The following SWT1 variants were observed in gnomAD, a reference collection of about 807,000 sequenced individuals.
SWT1 encodes SWT1 RNA endoribonuclease homolog.
In SWT1, 33 loss-of-function variants were observed where a neutral mutation model predicts 107.3. That is an observed-to-expected ratio of 0.31 (90% confidence interval 0.23 to 0.41). The LOEUF (loss-of-function observed/expected upper bound fraction) is 0.41. Among genes scored for constraint, SWT1 ranks in the 10% least tolerant of loss-of-function variants. The pLI, the probability that SWT1 is intolerant of heterozygous loss-of-function variation, is 1.00. For missense variants in SWT1, 898 were observed against 1,028.9 expected, an observed-to-expected ratio of 0.87 and a Z score of 1.74; for synonymous variants, 345 against 348.3, an observed-to-expected ratio of 0.99 and a Z score of 0.11.
chr1:185,266,266 G>A (rs751500329), intron 16 of SWT1, among the ~76,000 whole-genome samples: 101 of 152,150 alleles, frequency 6.6e-4, no homozygotes, highest in Non-Finnish European at 4.1e-4. Context: ...GGGTTTCACC[G>A]TGTTAGCCAG....
chr1:185,211,058 G>C (rs1658759552), intron 13 of SWT1, among the ~76,000 whole-genome samples: 1 of 152,132 alleles, frequency 6.6e-6, no homozygotes, highest in South Asian at 2.1e-4. Context: ...CAAACAAATG[G>C]AAAAACATTC....
chr1:185,228,554 T>C (rs914656295), intron 15 of SWT1, among the ~76,000 whole-genome samples: 2 of 152,154 alleles, frequency 1.3e-5, no homozygotes, highest in Non-Finnish European at 2.9e-5. Flanking sequence ...GAAGGACCTC[T>C]AAATTTTAGC....
At chr1:185,166,826 G>A (rs1391051948) in intron 3 of SWT1, among the ~76,000 whole-genome samples, 174 bp downstream of exon 3, 1 of 152,072 alleles carries the variant, frequency 6.6e-6, no homozygotes, top group East Asian at 1.9e-4. Context: ...GTACTGTTAG[G>A]CCCTACCATG....
At chr1:185,255,030 G>C (rs1020103687) in intron 16 of SWT1, among the ~76,000 whole-genome samples, 2 of 151,676 alleles carry the variant, frequency 1.3e-5, no homozygotes, top group African/African-American at 4.9e-5. Context: ...CCTTCATTTC[G>C]TTATGTACCC....
intron 5 of SWT1, among the ~76,000 whole-genome samples, chr1:185,179,615 C>A (rs1231265240): frequency 6.6e-6 from 1 of 152,164 alleles, no homozygotes; most frequent in African/African-American, 2.4e-5. Flanking sequence ...TTTATCATGT[C>A]ACTTGTAGAA....
intron 10 of SWT1, among the ~76,000 whole-genome samples, chr1:185,197,377 G>A (rs1657485476): frequency 6.6e-6 from 1 of 152,154 alleles, no homozygotes; most frequent in South Asian, 2.1e-4. Context: ...GTATTTTATT[G>A]AGGATTTTTG....
intron 1 of SWT1, among the ~76,000 whole-genome samples, chr1:185,158,629 A>T (rs1047129330): frequency 6.6e-6 from 1 of 152,126 alleles, no homozygotes; most frequent in Non-Finnish European, 1.5e-5. Flanking sequence ...CCAGATTAAA[A>T]GGGTCAGATT....
chr1:185,193,755 T>G (rs544660106), intron 10 of SWT1, among the ~76,000 whole-genome samples: 11 of 152,252 alleles, frequency 7.2e-5, no homozygotes, highest in South Asian at 2.1e-4. Context: ...ATGAGCCACC[T>G]TGCCAAGGCT....
intron 16 of SWT1, among the ~76,000 whole-genome samples, chr1:185,256,269 T>C (rs1662505684): frequency 6.6e-6 from 1 of 151,614 alleles, no homozygotes; most frequent in Non-Finnish European, 1.5e-5. Context: ...TTGGAGTTGC[T>C]CTTCTCGAGG....
intron 5 of SWT1, 48 bp from the exon 6 acceptor site, chr1:185,180,343 A>G (rs1409971890): frequency 5.4e-6 from 8 of 1,472,388 alleles, no homozygotes; most frequent in Admixed American, 1.7e-5. Context: ...GAAAAACCCT[A>G]TTTAGGTTAT....
chr1:185,228,319 G>GAGACC (rs962562010), intron 15 of SWT1, among the ~76,000 whole-genome samples: 7 of 151,578 alleles, frequency 4.6e-5, no homozygotes, highest in African/African-American at 1.7e-4. Flanking sequence ...TCAGGAGTTT[G>GAGACC]AGACCAGCCT....
intron 16 of SWT1, among the ~76,000 whole-genome samples, chr1:185,232,487 C>T (rs1350120231): frequency 6.6e-6 from 1 of 152,088 alleles, no homozygotes; most frequent in Non-Finnish European, 1.5e-5. Flanking sequence ...AAGATATGAC[C>T]TCTGAATCCA....
intron 15 of SWT1, among the ~76,000 whole-genome samples, chr1:185,225,866 A>G (rs1660012162): frequency 6.6e-6 from 1 of 152,232 alleles, no homozygotes; most frequent in Non-Finnish European, 1.5e-5. Flanking sequence ...TTTTGTTTAA[A>G]AGGAAGAAAT....
At chr1:185,233,971 C>T (rs926137749) in intron 16 of SWT1, among the ~76,000 whole-genome samples, 2 of 152,136 alleles carry the variant, frequency 1.3e-5, no homozygotes, top group Admixed American at 1.3e-4. Context: ...GTCTCGATCT[C>T]CTGACCTCAT....
At chr1:185,245,680 A>G (rs1304162476) in intron 16 of SWT1, among the ~76,000 whole-genome samples, 1 of 152,294 alleles carries the variant, frequency 6.6e-6, no homozygotes, top group African/African-American at 2.4e-5. Context: ...CCACATGAGT[A>G]ATGAGTTGTG....
intron 2 of SWT1, among the ~76,000 whole-genome samples, chr1:185,161,706 A>AG (rs1379171830): frequency 1.3e-5 from 2 of 152,226 alleles, no homozygotes; most frequent in Admixed American, 6.5e-5. Flanking sequence ...GTCTCAAAAA[A>AG]GAAAAAAAGA....
intron 14 of SWT1, among the ~76,000 whole-genome samples, chr1:185,215,292 G>A (rs532187733): frequency 6.6e-6 from 1 of 152,176 alleles, no homozygotes; most frequent in South Asian, 2.1e-4. Flanking sequence ...GTATGTTGCA[G>A]ATAGGATGCC....
At chr1:185,278,000 C>G (rs894105385) in intron 18 of SWT1, among the ~76,000 whole-genome samples, 4 of 151,284 alleles carry the variant, frequency 2.6e-5, no homozygotes, top group African/African-American at 7.3e-5. Context: ...TTCTTTTTGT[C>G]TTTTTTTGAG....
chr1:185,171,430 A>T (rs1334595026), intron 4 of SWT1: 1 of 267,462 alleles, frequency 3.7e-6, no homozygotes, highest in Non-Finnish European at 7.5e-6. Context: ...ACGTCCAATC[A>T]CGTAGATTGT....
Sources: gnomAD v4.1 joint callset for allele counts (sites outside exome capture counted in the v4.1 genomes callset) on GRCh38, gnomAD v4.1.1 for gene constraint, MANE v1.5 for transcripts, NCBI Gene and HGNC (gene_info 2026-07-23, HGNC 2026-07-21) for gene names.